ZNF335: variants seen among roughly 807,000 people sequenced by gnomAD.
The protein encoded by ZNF335 is NRC-interacting factor 1.
ZNF335 carries 84 observed loss-of-function variants against 145.6 expected under a neutral mutation model. The observed-to-expected ratio is 0.58, with a 90% CI of 0.48 to 0.69. The LOEUF (loss-of-function observed/expected upper bound fraction) is 0.69, where lower values mean the gene tolerates loss of function less well. Among genes scored for constraint, ZNF335 ranks in the 30% least tolerant of loss-of-function variants. The probability of loss-of-function intolerance (pLI) is 0.00; values close to 1 mark genes in which losing one functional copy is unlikely to be tolerated. For synonymous variants in ZNF335, 761 were observed against 717.0 expected, an observed-to-expected ratio of 1.06 and a Z score of -0.98; for missense variants, 1,865 against 1,809.7, an observed-to-expected ratio of 1.03 and a Z score of -0.55.
intron 2 of ZNF335, chr20:45,969,920 AAGAG>A: frequency 2.2e-6 from 1 of 453,660 alleles, no homozygotes; most frequent in Non-Finnish European, 3.9e-6. Flanking sequence ...ACACAAAAAT[AAGAG>A]AAGGGACTCC....
chr20:45,965,712 G>T lies in ZNF335; in HGVS notation c.1018C>A (p.Pro340Thr). 6.2e-7 allele frequency: 1 copy of T among 1,605,924 alleles called. No homozygotes were observed. The change falls in exon 7 of 28, where the codon CCC (proline) becomes ACC (threonine). Residue 340 changes from proline (P) to threonine (T), a missense_variant. Physicochemically the swap from Pro to Thr is conservative, Grantham distance 38. Coordinates refer to ENST00000322927, the MANE Select transcript of ZNF335 (RefSeq NM_022095.4). ...CGGGGCCTTGGGGTACTGGGGGTGG[G>T]GCGCTGGAGCCGAAGCTGCCGGCCT... ...PRGRQLRLQR[P>T]TPSTPRPRRR...
At position 45,948,705 on chromosome 20, in the gene ZNF335, G is replaced by A. The variant is rs919092491; in HGVS notation, c.*248C>T. On this transcript the variant is annotated 3_prime_UTR_variant, in exon 28 of 28. Transcript: ENST00000322927. ...CCTTTATTGAGACTGACAGGCCAGTGGGTCCACCCAAACAAAAATAAATTT... is the reference window on the plus strand; with the variant it reads ...CCTTTATTGAGACTGACAGGCCAGTAGGTCCACCCAAACAAAAATAAATTT... The A allele has an allele frequency of 3.8e-6, 2 of 520,778 alleles. No individual in the cohort carries two copies. Among genetic ancestry groups the A allele is most frequent in the Admixed American group, 3.2e-5 (1 of 31,128 alleles). 32.3% of individuals were successfully genotyped at this position (520,778 alleles called of 1,614,324 possible).
rs959628527 is a variant in ZNF335 at position 45,963,489 on chromosome 20, C to T, written c.1517G>A (p.Arg506His). ...CTCCCGCACCTTGAGCGAGGACCAG[C>T]GGCGGGAACGATAGCTGCACTGCAG... is the stretch of plus-strand genomic sequence containing the variant. ...KCLQCSYRSR[R>H]WSSLKEHMFN... The change falls in exon 9 of 28, where the codon CGC (arginine) becomes CAC (histidine). Residue 506 changes from arginine (R) to histidine (H), a missense_variant. Physicochemically the swap from Arg to His is conservative, Grantham distance 29. Coordinates refer to ENST00000322927, the MANE Select transcript of ZNF335 (RefSeq NM_022095.4). The T allele has an allele frequency of 7.4e-6, 12 of 1,611,086 alleles. No homozygotes were observed. The highest frequency in any genetic ancestry group is 5.3e-5 in the African/African-American group (4 of 74,910).
Position 45,957,653 on chromosome 20 carries a change from G to A in ZNF335, c.2375C>T (p.Thr792Met), listed in dbSNP as rs373645625. 9.9e-6 allele frequency: 16 copies of A among 1,614,156 alleles called. No individual in the cohort carries two copies. The highest frequency in any genetic ancestry group is 1.4e-5 in the Non-Finnish European group (16 of 1,180,028). Residue 792 changes from threonine to methionine, a missense_variant, in exon 17 of 28, where the codon ACG becomes ATG. By Grantham distance (81) the Thr-to-Met change is moderately conservative. Transcript: ENST00000322927. ...CAGCAGAAGATCCAAGGCTGTCTGC[G>A]TGGCCATCGCTGTCGACTCCTCAGC... ...QGAEESTAMATQTALDLLLNM... is the reference protein window; with the variant it reads ...QGAEESTAMAMQTALDLLLNM...
In ZNF335 at chr20:45,949,884, G is replaced by A; in HGVS notation, c.3592-7C>T. The A allele has an allele frequency of 6.2e-7, 1 of 1,614,148 alleles. No individual in the cohort carries two copies. Among genetic ancestry groups the A allele is most frequent in the South Asian group, 1.1e-5 (1 of 91,084 alleles). On this transcript the variant is annotated splice_polypyrimidine_tract_variant and splice_region_variant and intron_variant, in intron 23 of 27. Coordinates refer to ENST00000322927, the MANE Select transcript of ZNF335 (RefSeq NM_022095.4). ...GGATGTAGGCGGCTTCCTCCTGCCAGGACCAAGACAGCTCTAGCCTCATTT... is the reference window on the plus strand; with the variant it reads ...GGATGTAGGCGGCTTCCTCCTGCCAAGACCAAGACAGCTCTAGCCTCATTT...
intron 1 of ZNF335, 181 bp downstream of exon 1, chr20:45,971,941 A>T (rs533873885): frequency 4.1e-6 from 4 of 985,346 alleles, no homozygotes; most frequent in Non-Finnish European, 4.8e-6. Context: ...GCCCGACGCC[A>T]TCTTGTGGTG....
intron 2 of ZNF335, among the ~76,000 whole-genome samples, chr20:45,970,555 T>C (rs2084040142): frequency 6.6e-6 from 1 of 152,094 alleles, no homozygotes; most frequent in Admixed American, 6.5e-5. Flanking sequence ...GGTAGCTTGC[T>C]CAAGATCACA....
chr20:45,964,081 C>A, intron 7 of ZNF335, 91 bp from the exon 8 acceptor site: 1 of 1,463,630 alleles, frequency 6.8e-7, no homozygotes, highest in East Asian at 2.3e-5. Context: ...AATATCCTCC[C>A]ACCCACTCAT....
At chr20:45,955,889 CG>C (rs1568812074) in intron 17 of ZNF335, among the ~76,000 whole-genome samples, 1 of 151,674 alleles carries the variant, frequency 6.6e-6, no homozygotes, top group African/African-American at 2.4e-5. Flanking sequence ...TAATATAAAA[CG>C]AAAGAACCCA....
At position 45,949,579 on chromosome 20, in the gene ZNF335, G is replaced by T. The variant is rs376616764; in HGVS notation, c.3670-11C>A. 149 of 1,606,132 alleles carry T rather than the reference G, an allele frequency of 9.3e-5. 2 individuals carry two copies. The highest frequency in any genetic ancestry group is 8.5e-4 in the East Asian group (38 of 44,758). Reference sequence around the variant, plus strand: ...GATGATATACTGCACCTGTTGGTGGGGGGGGCGGGCATGGCGAGGCAGGTG... The same window carrying T: ...GATGATATACTGCACCTGTTGGTGGTGGGGGCGGGCATGGCGAGGCAGGTG... On this transcript the variant is annotated splice_polypyrimidine_tract_variant and intron_variant, in intron 24 of 27. Coordinates refer to ENST00000322927, the MANE Select transcript of ZNF335 (RefSeq NM_022095.4).
At position 45,950,021 on chromosome 20, in the gene ZNF335, T is replaced by A. The variant is rs371101176; in HGVS notation, c.3536A>T (p.Gln1179Leu). 1 of 1,614,078 alleles carries A rather than the reference T, an allele frequency of 6.2e-7. No homozygotes were observed. The highest frequency in any genetic ancestry group is 8.5e-7 in the Non-Finnish European group (1 of 1,180,014). The change falls in exon 23 of 28, where the codon CAG (glutamine) becomes CTG (leucine). Residue 1179 changes from glutamine (Q) to leucine (L), a missense_variant. Gln to Leu is a moderately radical substitution (Grantham distance 113). Transcript: ENST00000322927. ...HGVLGPERLQQALSQEHIIVA... is the reference protein window; with the variant it reads ...HGVLGPERLQLALSQEHIIVA... ...GATGATGTGTTCCTGGCTCAGTGCC[T>A]GCTGTAGCCGCTCTGGGCCCAGGAC...
At chr20:45,954,036 T>C in intron 17 of ZNF335, 88 bp from the exon 18 acceptor site, 1 of 1,451,220 alleles carries the variant, frequency 6.9e-7, no homozygotes, top group Non-Finnish European at 9.2e-7. Context: ...GTGTCCCAGA[T>C]GCACCCACAC....
Position 45,960,865 on chromosome 20 carries a change from G to C in ZNF335, c.1664C>G (p.Pro555Arg). ...CCCAGGCCAGCACGCCAGACTCACC[G>C]GATCTGGCCTCTTCTTCCTGTGGGG... is the stretch of plus-strand genomic sequence containing the variant. ...HSRDRKKRPD[P>R]TPKLSSFPCP... Residue 555 changes from proline (P) to arginine (R), a missense_variant and splice_region_variant, in exon 11 of 28, where the codon CCG (proline) becomes CGG (arginine). Physicochemically the swap from Pro to Arg is moderately radical, Grantham distance 103. Coordinates refer to ENST00000322927, the MANE Select transcript of ZNF335 (RefSeq NM_022095.4). 1 of 1,613,804 alleles carries C rather than the reference G, an allele frequency of 6.2e-7. No homozygotes were observed. Among genetic ancestry groups the C allele is most frequent in the South Asian group, 1.1e-5 (1 of 91,030 alleles).
At chr20:45,950,991 C>T (rs1415548219) in intron 20 of ZNF335, among the ~76,000 whole-genome samples, 2 of 152,112 alleles carry the variant, frequency 1.3e-5, no homozygotes, top group Non-Finnish European at 2.9e-5. Flanking sequence ...CTCCTGGGTT[C>T]AAGCGATTCT....
chr20:45,948,828 G>C lies in ZNF335; in HGVS notation c.*125C>G, dbSNP rs910561137. 2 of 1,483,810 alleles carry C rather than the reference G, an allele frequency of 1.3e-6. No individual in the cohort carries two copies. 91.9% of individuals were successfully genotyped at this position (1,483,810 alleles called of 1,614,324 possible). A position where few individuals can be genotyped will look rare whatever the true frequency, so the allele number is the denominator to read the frequency against. On this transcript the variant is annotated 3_prime_UTR_variant, in exon 28 of 28. Coordinates refer to ENST00000322927, the MANE Select transcript of ZNF335 (RefSeq NM_022095.4). ...CAACAGCACAGGTCTGGCTCCCTGGGAATGAGAGGATGCTGGCTATCCAGT... is the reference window on the plus strand; with the variant it reads ...CAACAGCACAGGTCTGGCTCCCTGGCAATGAGAGGATGCTGGCTATCCAGT...
chr20:45,954,337 C>T (rs1193769249), intron 17 of ZNF335, among the ~76,000 whole-genome samples: 9 of 152,226 alleles, frequency 5.9e-5, no homozygotes, highest in South Asian at 2.1e-4. Context: ...ATGCTAACAG[C>T]GCTGCAGACA....
chr20:45,948,830 A>C lies in ZNF335; in HGVS notation c.*123T>G. On this transcript the variant is annotated 3_prime_UTR_variant, in exon 28 of 28. Coordinates refer to ENST00000322927, the MANE Select transcript of ZNF335 (RefSeq NM_022095.4). ...ACAGCACAGGTCTGGCTCCCTGGGA[A>C]TGAGAGGATGCTGGCTATCCAGTAT... is the stretch of plus-strand genomic sequence containing the variant. 87 of 1,439,574 alleles carry C rather than the reference A, an allele frequency of 6.0e-5. No individual in the cohort carries two copies. Among genetic ancestry groups the C allele is most frequent in the East Asian group, 1.5e-4 (6 of 41,368 alleles). 89.2% of individuals were successfully genotyped at this position (1,439,574 alleles called of 1,614,324 possible).
chr20:45,968,117 A>G (rs758907723), intron 4 of ZNF335, 90 bp from the exon 5 acceptor site: 108 of 1,563,694 alleles, frequency 6.9e-5, no homozygotes, highest in Non-Finnish European at 8.6e-5. Flanking sequence ...AGGCCCAGGG[A>G]GTGCAGAACC....
chr20:45,952,593 C>T lies in ZNF335; in HGVS notation c.2814+5G>A. The T allele has an allele frequency of 6.2e-7, 1 of 1,613,754 alleles. No individual in the cohort carries two copies. The highest frequency in any genetic ancestry group is 8.5e-7 in the Non-Finnish European group (1 of 1,179,876). ...GGGGGAGTGGTTGGCATCCCCAAGC[C>T]TCACCTCAATGTGGTGCAACTGGGT... On this transcript the variant is annotated splice_donor_5th_base_variant and intron_variant, in intron 19 of 27. Transcript: ENST00000322927.
Sources: allele counts gnomAD v4.1 joint callset (sites outside exome capture counted in the v4.1 genomes callset), GRCh38; gene constraint gnomAD v4.1.1; transcripts MANE v1.5; gene names NCBI Gene and HGNC (gene_info 2026-07-23, HGNC 2026-07-21).